The following ANO2 variants were observed in gnomAD, a reference collection of about 807,000 sequenced individuals.
The protein encoded by ANO2 is anoctamin 2.
ANO2 carries 101 observed loss-of-function variants against 124.2 expected under a neutral mutation model. That is an observed-to-expected ratio of 0.81 (90% CI 0.69 to 0.96). ANO2 has a LOEUF of 0.96. Among genes scored for constraint, ANO2 ranks in the 40% least tolerant of loss-of-function variants. The pLI, the probability that ANO2 is intolerant of heterozygous loss-of-function variation, is 0.00. For synonymous variants in ANO2, 486 were observed against 482.5 expected, an observed-to-expected ratio of 1.01 and a Z score of -0.09; for missense variants, 1,293 against 1,274.5, an observed-to-expected ratio of 1.01 and a Z score of -0.22.
Position 5,814,724 on chromosome 12 carries a change from G to A in ANO2, c.893-7356C>T, listed in dbSNP as rs536710891. ...CACATAGTAAGTGCTCAGTAAATACGTGTTGAATGAGTGAATGGATGTTAT... is the reference window on the plus strand; with the variant it reads ...CACATAGTAAGTGCTCAGTAAATACATGTTGAATGAGTGAATGGATGTTAT... On this transcript the variant is annotated intron_variant, in intron 7 of 24. Coordinates refer to ENST00000682330, the MANE Select transcript of ANO2 (RefSeq NM_001364791.2). Among the ~76,000 whole-genome samples, 50 of 152,368 alleles carry A rather than the reference G, an allele frequency of 3.3e-4. No homozygotes were observed. The South Asian group carries it at 5.8e-3, about 18-fold the overall frequency.
chr12:5,885,432 A>T (rs985070651), intron 3 of ANO2, among the ~76,000 whole-genome samples: 3 of 152,264 alleles, frequency 2.0e-5, no homozygotes, highest in Non-Finnish European at 4.4e-5. Flanking sequence ...ATAAAACCAG[A>T]TGATAACAAT....
At chr12:5,799,696 T>G (rs1171804220) in intron 9 of ANO2, 125 bp from the exon 10 acceptor site, 2 of 813,096 alleles carry the variant, frequency 2.5e-6, no homozygotes, top group Non-Finnish European at 2.0e-6. Flanking sequence ...TCATGAGACA[T>G]CCAGGGGGAG....
intron 14 of ANO2, among the ~76,000 whole-genome samples, chr12:5,677,060 T>TA (rs1948278652): frequency 2.1e-5 from 3 of 145,928 alleles, no homozygotes; most frequent in South Asian, 4.4e-4. Flanking sequence ...TCTCAAAAAA[T>TA]AAAAAAATAA....
At chr12:5,872,896 T>C (rs973597731) in intron 3 of ANO2, among the ~76,000 whole-genome samples, 2 of 152,172 alleles carry the variant, frequency 1.3e-5, no homozygotes, top group Admixed American at 1.3e-4. Context: ...ACACCTTTCA[T>C]GGGACCATTG....
At chr12:5,923,163 T>TATACACAC (rs1555184603) in intron 1 of ANO2, among the ~76,000 whole-genome samples, 2 of 16,128 alleles carry the variant, frequency 1.2e-4, no homozygotes, top group Non-Finnish European at 3.1e-4. Flanking sequence ...CACACACGCA[T>TATACACAC]ACACACACAC....
At chr12:5,715,144 A>T (rs902560191) in intron 14 of ANO2, among the ~76,000 whole-genome samples, 1 of 152,188 alleles carries the variant, frequency 6.6e-6, no homozygotes, top group African/African-American at 2.4e-5. Flanking sequence ...AATAAGAAAA[A>T]TGTTCCCTTT....
intron 14 of ANO2, among the ~76,000 whole-genome samples, chr12:5,726,065 C>A (rs954626020): frequency 6.6e-6 from 1 of 151,110 alleles, no homozygotes. Context: ...TGGTGACCTG[C>A]AGGGAAACTT....
intron 6 of ANO2, among the ~76,000 whole-genome samples, chr12:5,828,676 C>T (rs1954062885): frequency 6.6e-6 from 1 of 152,190 alleles, no homozygotes; most frequent in Admixed American, 6.5e-5. Context: ...GCCTATGGGG[C>T]CTGCAGGGGA....
chr12:5,848,147 A>G (rs1173265260), intron 4 of ANO2, among the ~76,000 whole-genome samples: 2 of 152,202 alleles, frequency 1.3e-5, no homozygotes, highest in African/African-American at 4.8e-5. Context: ...CTTATTATTG[A>G]AAACATAGTC....
intron 14 of ANO2, among the ~76,000 whole-genome samples, chr12:5,694,251 C>CAGAG (rs5796182): frequency 0.072 from 9,645 of 133,816 alleles, 496 homozygotes; most frequent in African/African-American, 0.15. Flanking sequence ...TTACCAGAGA[C>CAGAG]AGAGAGAGAG....
At chr12:5,671,919 A>T (rs1948027770) in intron 14 of ANO2, among the ~76,000 whole-genome samples, 1 of 152,138 alleles carries the variant, frequency 6.6e-6, no homozygotes, top group Non-Finnish European at 1.5e-5. Flanking sequence ...AAACCAGAAT[A>T]CACCAGGGAG....
intron 4 of ANO2, among the ~76,000 whole-genome samples, chr12:5,841,182 T>A (rs554322963): frequency 6.6e-6 from 1 of 152,152 alleles, no homozygotes; most frequent in Non-Finnish European, 1.5e-5. Context: ...CATTCACGCA[T>A]GCAAGAGAGC....
chr12:5,828,077 A>G (rs1245940286), intron 6 of ANO2, among the ~76,000 whole-genome samples: 1 of 152,148 alleles, frequency 6.6e-6, no homozygotes, highest in Non-Finnish European at 1.5e-5. Flanking sequence ...CAAATGAATA[A>G]AAGGCTAGAA....
chr12:5,816,074 G>A (rs1435415920), intron 7 of ANO2, among the ~76,000 whole-genome samples: 2 of 151,872 alleles, frequency 1.3e-5, no homozygotes, highest in East Asian at 3.9e-4. Flanking sequence ...CCATACAAAA[G>A]ATAATCTGAG....
chr12:5,751,457 T>C (rs750370597), intron 10 of ANO2, among the ~76,000 whole-genome samples: 1 of 152,218 alleles, frequency 6.6e-6, no homozygotes, highest in Non-Finnish European at 1.5e-5. Flanking sequence ...GAAAAACGAC[T>C]AGAAGAAATC....
intron 20 of ANO2, among the ~76,000 whole-genome samples, chr12:5,579,713 G>A (rs1258534515): frequency 3.9e-5 from 6 of 152,180 alleles, no homozygotes; most frequent in African/African-American, 1.2e-4. Flanking sequence ...GCATACAGGT[G>A]CTTTATAATC....
chr12:5,932,742 T>C (rs1378651668), intron 1 of ANO2, among the ~76,000 whole-genome samples: 1 of 151,964 alleles, frequency 6.6e-6, no homozygotes, highest in Non-Finnish European at 1.5e-5. Flanking sequence ...GAAAGTAGAC[T>C]AGTGAGGAAG....
chr12:5,774,224 GTGGGCGGATTGCT>G (rs1332950011), intron 10 of ANO2, among the ~76,000 whole-genome samples: 1 of 152,208 alleles, frequency 6.6e-6, no homozygotes, highest in Non-Finnish European at 1.5e-5. Flanking sequence ...GGAGGGCAAG[GTGGGCGGATTGCT>G]TGAGCCCAGG....
intron 3 of ANO2, among the ~76,000 whole-genome samples, chr12:5,893,583 T>C (rs1939559911): frequency 6.6e-6 from 1 of 151,986 alleles, no homozygotes; most frequent in Non-Finnish European, 1.5e-5. Flanking sequence ...GGTGGTTTGC[T>C]GTACCCATCA....
Sources: gnomAD v4.1 joint callset for allele counts (sites outside exome capture counted in the v4.1 genomes callset) on GRCh38, gnomAD v4.1.1 for gene constraint, MANE v1.5 for transcripts, NCBI Gene and HGNC (gene_info 2026-07-23, HGNC 2026-07-21) for gene names.